EML1: variants seen among roughly 807,000 people sequenced by gnomAD.
EML1 encodes the protein echinoderm microtubule-associated protein-like 1.
In EML1, 27 loss-of-function variants were observed where a neutral mutation model predicts 110.4. The observed-to-expected ratio is 0.24, with a 90% CI of 0.18 to 0.34. EML1 has a LOEUF of 0.34. EML1 is among the 10% of genes least tolerant of loss of function. The pLI is 1.00. For missense variants in EML1, 741 were observed against 1,030.9 expected (o/e 0.72, Z 3.85); for synonymous variants, 344 against 385.8 (o/e 0.89, Z 1.27).
chr14:99,856,252 A>G (rs1040711177), intron 2 of EML1, among the ~76,000 whole-genome samples: 16 of 152,242 alleles, frequency 1.1e-4, no homozygotes, highest in Admixed American at 2.6e-4. Flanking sequence ...TGCCTCTAGC[A>G]GTATTCCATA....
At chr14:99,750,972 C>T (rs1219373942) in intron 1 of EML1, among the ~76,000 whole-genome samples, 1 of 152,094 alleles carries the variant, frequency 6.6e-6, no homozygotes, top group Non-Finnish European at 1.5e-5. Context: ...CTCCAGGCCT[C>T]GGTTTCCCCC....
intron 1 of EML1, among the ~76,000 whole-genome samples, chr14:99,753,200 C>CCCA (rs2057198849): frequency 7.7e-6 from 1 of 130,492 alleles, no homozygotes; most frequent in Non-Finnish European, 1.7e-5. Flanking sequence ...CCCCCCGCCC[C>CCCA]CCCGCCGCCC....
At chr14:99,819,733 AG>A (rs1023062440) in intron 1 of EML1, among the ~76,000 whole-genome samples, 4 of 152,074 alleles carry the variant, frequency 2.6e-5, no homozygotes, top group African/African-American at 9.7e-5. Context: ...CAGACATGGG[AG>A]GGGGAAAAGG....
intron 4 of EML1, chr14:99,886,255 G>A (rs910705430): frequency 5.2e-6 from 1 of 191,856 alleles, no homozygotes; most frequent in Admixed American, 5.7e-5. Flanking sequence ...GCCAAGACAG[G>A]CAGATCATTT....
intron 1 of EML1, among the ~76,000 whole-genome samples, chr14:99,778,737 G>A (rs1240060933): frequency 6.6e-6 from 1 of 152,174 alleles, no homozygotes; most frequent in Non-Finnish European, 1.5e-5. Context: ...ATTTGATGGT[G>A]TGTCTGGGTC....
rs1277633426 is a variant in EML1, at chr14:99,878,630, C to A, written c.518+11C>A. The A allele has an allele frequency of 6.2e-7, 1 of 1,611,032 alleles. No homozygotes were observed. The highest frequency in any genetic ancestry group is 8.5e-7 in the Non-Finnish European group (1 of 1,178,804). On this transcript the variant is annotated intron_variant, in intron 4 of 21. Coordinates refer to ENST00000262233, the MANE Select transcript of EML1 (RefSeq NM_004434.3). ...AAAGAACAGTGAAAGGTAAGGACGT[C>A]TTATCTCTCAGTTCCTGCTGTTCAG... is the stretch of plus-strand genomic sequence containing the variant.
Position 99,911,586 on chromosome 14 carries a change from C to A in EML1, c.1494+10C>A. On this transcript the variant is annotated intron_variant, in intron 13 of 21. Coordinates refer to ENST00000262233, the MANE Select transcript of EML1 (RefSeq NM_004434.3). The stretch of plus-strand genomic sequence containing the variant: ...ACTTCGTAAAACGGAGGTAAGTCAT[C>A]AAGGCTACTGCTAAAATTTGTTTTT... The A allele has an allele frequency of 3.1e-6, 5 of 1,609,756 alleles. No homozygotes were observed. The highest frequency in any genetic ancestry group is 4.2e-6 in the Non-Finnish European group (5 of 1,179,206).
chr14:99,790,729 A>G (rs1303510769), upstream of EML1, among the ~76,000 whole-genome samples: 2 of 152,158 alleles, frequency 1.3e-5, no homozygotes, highest in African/African-American at 4.8e-5. Flanking sequence ...TCTCCATAGC[A>G]CCTGCCTGCT....
intron 1 of EML1, among the ~76,000 whole-genome samples, chr14:99,780,254 A>G (rs1319611035): frequency 6.6e-6 from 1 of 151,980 alleles, no homozygotes; most frequent in East Asian, 1.9e-4. Flanking sequence ...TCAGTGTATG[A>G]GTTTGGAAGG....
At chr14:99,762,272 A>G (rs1428686487) in intron 1 of EML1, among the ~76,000 whole-genome samples, 1 of 152,184 alleles carries the variant, frequency 6.6e-6, no homozygotes, top group African/African-American at 2.4e-5. Context: ...GAAATGCAAC[A>G]TGCTTACAGA....
At chr14:99,797,701 T>C in intron 1 of EML1, among the ~76,000 whole-genome samples, 1 of 152,136 alleles carries the variant, frequency 6.6e-6, no homozygotes, top group East Asian at 1.9e-4. Flanking sequence ...CCAAAACGAG[T>C]CAGTGCACAA....
chr14:99,823,042 C>G (rs573837523), intron 1 of EML1, among the ~76,000 whole-genome samples: 2 of 152,198 alleles, frequency 1.3e-5, no homozygotes, highest in East Asian at 1.9e-4. Context: ...GCCTAAGCGC[C>G]GGGCCCTACA....
At chr14:99,884,432 T>C (rs896698240) in intron 4 of EML1, among the ~76,000 whole-genome samples, 1 of 151,324 alleles carries the variant, frequency 6.6e-6, no homozygotes. Flanking sequence ...TGGCAGGGAG[T>C]GGGAAGGAGC....
intron 1 of EML1, among the ~76,000 whole-genome samples, chr14:99,821,410 T>A (rs1413529074): frequency 6.6e-6 from 1 of 152,218 alleles, no homozygotes; most frequent in African/African-American, 2.4e-5. Context: ...TCCCAGCTGT[T>A]GAGAGGCTGA....
At chr14:99,749,379 G>A (rs2057150737) in intron 1 of EML1, among the ~76,000 whole-genome samples, 1 of 152,156 alleles carries the variant, frequency 6.6e-6, no homozygotes, top group Admixed American at 6.6e-5. Flanking sequence ...ATCTCACTGA[G>A]GTTTTCATTT....
At chr14:99,928,238 G>C (rs2060302765) in intron 17 of EML1, among the ~76,000 whole-genome samples, 1 of 133,088 alleles carries the variant, frequency 7.5e-6, no homozygotes, top group African/African-American at 2.9e-5. Context: ...TGGTGGTGGT[G>C]GTGGTGGTGG....
At chr14:99,752,057 A>C (rs1193395218) in intron 1 of EML1, among the ~76,000 whole-genome samples, 1 of 152,062 alleles carries the variant, frequency 6.6e-6, no homozygotes, top group Non-Finnish European at 1.5e-5. Context: ...CATCCATCAC[A>C]GCGCCCCAGA....
intron 17 of EML1, among the ~76,000 whole-genome samples, chr14:99,924,457 A>G (rs2060197318): frequency 2.0e-5 from 3 of 152,230 alleles, no homozygotes. Flanking sequence ...AGTTAAATGT[A>G]TAAATCAGGT....
At position 99,836,674 on chromosome 14, in the gene EML1, G is replaced by T. The variant is rs58577615; in HGVS notation, c.68-14179G>T. Reference sequence around the variant, plus strand: ...TATTTATTTTGGGTCATATTTTTGTGCATCTTTGAATGTCCAGTTGTTTTT... The same window carrying T: ...TATTTATTTTGGGTCATATTTTTGTTCATCTTTGAATGTCCAGTTGTTTTT... On this transcript the variant is annotated intron_variant, in intron 1 of 21. Coordinates refer to ENST00000262233, the MANE Select transcript of EML1 (RefSeq NM_004434.3). Among the ~76,000 whole-genome samples the T allele has an allele frequency of 2.5e-4, 38 of 152,238 alleles. No individual in the cohort carries two copies. In the East Asian group the frequency reaches 5.8e-3, roughly 23 times the overall value.
Sources: allele counts gnomAD v4.1 joint callset (sites outside exome capture counted in the v4.1 genomes callset), GRCh38; gene constraint gnomAD v4.1.1; transcripts MANE v1.5; gene names NCBI Gene and HGNC (gene_info 2026-07-23, HGNC 2026-07-21).